The following COL4A4 variants were observed in gnomAD, a reference collection of about 807,000 sequenced individuals.
The protein encoded by COL4A4 is collagen alpha-4(IV) chain.
A neutral mutation model predicts 192.9 loss-of-function variants in COL4A4; 105 were observed. The observed-to-expected ratio is 0.54, with a 90% confidence interval of 0.46 to 0.64. The LOEUF is 0.64. COL4A4 is among the 30% of genes least tolerant of loss of function. COL4A4 has a pLI of 0.00. For missense variants in COL4A4, 1,967 were observed against 2,169.3 expected (o/e 0.91, Z 1.85); for synonymous variants, 762 against 769.9 (o/e 0.99, Z 0.17).
At chr2:227,002,276 T>G (rs1559383945), downstream of COL4A4, among the ~76,000 whole-genome samples, 1 of 151,276 alleles carries the variant, frequency 6.6e-6, no homozygotes, top group East Asian at 2.0e-4. Context: ...AATACCTAAC[T>G]AACTCCTGAC....
chr2:226,970,402 C>G, the COL4A4 span, among the ~76,000 whole-genome samples: 12 of 152,072 alleles, frequency 7.9e-5, no homozygotes, highest in South Asian at 2.1e-4. Flanking sequence ...TTTTTTCCCC[C>G]CTTTTTAACC....
At chr2:227,023,808 T>C (rs1271327366) in intron 43 of COL4A4, among the ~76,000 whole-genome samples, 1 of 151,740 alleles carries the variant, frequency 6.6e-6, no homozygotes. Context: ...GGTCAAGAGA[T>C]TGAGACCATC....
intron 1 of COL4A4, among the ~76,000 whole-genome samples, chr2:227,158,478 T>C (rs1271265311): frequency 6.6e-6 from 1 of 151,962 alleles, no homozygotes; most frequent in African/African-American, 2.4e-5. Flanking sequence ...AATTATAAAT[T>C]ATATTCCATC....
intron 38 of COL4A4, among the ~76,000 whole-genome samples, chr2:227,033,010 G>C (rs1290801616): frequency 6.6e-6 from 1 of 152,132 alleles, no homozygotes; most frequent in Admixed American, 6.5e-5. Context: ...GGCCATAAAA[G>C]GATGCTATTA....
At chr2:226,988,776 C>G in the COL4A4 span, 7 of 854,828 alleles carry the variant, frequency 8.2e-6, no homozygotes, top group African/African-American at 1.3e-4. Context: ...TAAGAAGTTA[C>G]AAACTGTTCT....
intron 24 of COL4A4, among the ~76,000 whole-genome samples, chr2:227,078,561 C>T (rs1310855560): frequency 3.9e-5 from 6 of 152,174 alleles, no homozygotes; most frequent in Non-Finnish European, 8.8e-5. Flanking sequence ...AATTTATATA[C>T]ATACATATAA....
At chr2:227,112,738 C>T (rs2061287701) in intron 8 of COL4A4, among the ~76,000 whole-genome samples, 1 of 152,230 alleles carries the variant, frequency 6.6e-6, no homozygotes, top group Non-Finnish European at 1.5e-5. Flanking sequence ...TCCCTCTTCC[C>T]TGCAGCCACT....
chr2:227,065,150 A>G (rs1228086117), intron 25 of COL4A4, among the ~76,000 whole-genome samples: 1 of 152,104 alleles, frequency 6.6e-6, no homozygotes, highest in Non-Finnish European at 1.5e-5. Flanking sequence ...AAATCGGGCC[A>G]CTCCCACCCG....
chr2:227,068,616 C>G (rs1444586413), intron 25 of COL4A4, among the ~76,000 whole-genome samples: 2 of 152,070 alleles, frequency 1.3e-5, no homozygotes, highest in African/African-American at 2.4e-5. Context: ...AAGACAAAAA[C>G]CACATGATTA....
At chr2:227,115,332 G>A (rs1240355004) in intron 7 of COL4A4, among the ~76,000 whole-genome samples, 10 of 146,138 alleles carry the variant, frequency 6.8e-5, no homozygotes, top group East Asian at 2.0e-4. Context: ...GTGCAGTGGC[G>A]CGATCTCTGC....
At chr2:227,029,099 T>C (rs1299641165) in intron 41 of COL4A4, among the ~76,000 whole-genome samples, 2 of 152,236 alleles carry the variant, frequency 1.3e-5, no homozygotes, top group East Asian at 3.9e-4. Context: ...AGTGAAGCAC[T>C]GTTTGGCCTT....
chr2:227,161,919 C>T (rs2064866786), intron 1 of COL4A4, among the ~76,000 whole-genome samples: 1 of 151,760 alleles, frequency 6.6e-6, no homozygotes, highest in South Asian at 2.1e-4. Flanking sequence ...ATCAGGGCCA[C>T]CTATTTTCCT....
At chr2:227,153,190 G>A (rs183055915) in intron 1 of COL4A4, among the ~76,000 whole-genome samples, 1 of 152,262 alleles carries the variant, frequency 6.6e-6, no homozygotes, top group Admixed American at 6.5e-5. Flanking sequence ...ATCTCCCACT[G>A]GGTCCCTCTC....
rs1189571241 is a variant in COL4A4, at chr2:227,005,263, A to G, written c.*2062T>C. 1 of 152,024 alleles carries G rather than the reference A, an allele frequency of 6.6e-6. No homozygotes were observed. Among genetic ancestry groups the G allele is most frequent in the Non-Finnish European group, 1.5e-5 (1 of 68,012 alleles). The allele number at this position is 152,024 out of a possible 1,614,324, so 9.4% of individuals were successfully genotyped here. ...GATAATATTCTAATACCAACATTAA[A>G]GTGTTTAAAATAATTAGCAAGCAAG... On this transcript the variant is annotated 3_prime_UTR_variant, in exon 48 of 48. Transcript: ENST00000396625.
At position 227,028,079 on chromosome 2, in the gene COL4A4, T is replaced by C. The variant is rs995275105; in HGVS notation, c.3974-70A>G. The stretch of plus-strand genomic sequence containing the variant: ...CAAGATAAAAACAATGACAGTTTGA[T>C]AGACTGAATTCAGAGATTCACTCCA... On this transcript the variant is annotated intron_variant, in intron 41 of 47. Transcript: ENST00000396625. The C allele has an allele frequency of 2.3e-5, 25 of 1,081,420 alleles. No individual in the cohort carries two copies. In the African/African-American group the frequency reaches 3.8e-4, roughly 16 times the overall value. 67.0% of individuals were successfully genotyped at this position (1,081,420 alleles called of 1,614,324 possible). A position where few individuals can be genotyped will look rare whatever the true frequency, so the allele number is the denominator to read the frequency against.
At chr2:227,147,351 T>C (rs1330145175) in intron 2 of COL4A4, 62 bp downstream of exon 2, 1 of 1,484,428 alleles carries the variant, frequency 6.7e-7, no homozygotes, top group Admixed American at 1.7e-5. Context: ...TTTACATCCA[T>C]AGAACAAACA....
Position 227,103,139 on chromosome 2 carries a change from A to C in COL4A4, c.870+5T>G. On this transcript the variant is annotated splice_donor_5th_base_variant and intron_variant, in intron 14 of 47. Transcript: ENST00000396625. The stretch of plus-strand genomic sequence containing the variant: ...GAAAAAAAAAAAGGTACTTAAATAA[A>C]CTACCTTGCGTCCTGGTGGTCCTGG... 1 of 1,606,624 alleles carries C rather than the reference A, an allele frequency of 6.2e-7. No individual in the cohort carries two copies. Among genetic ancestry groups the C allele is most frequent in the South Asian group, 1.1e-5 (1 of 87,952 alleles).
rs776983644 is a variant in COL4A4, at chr2:227,052,292, C to CT, written c.2968+12dup. ...AACTTATTTGATATGGTTAAAAACT[C>CT]TTAAGTGTTTACCTCTTTCTCCTGG... On this transcript the variant is annotated intron_variant, in intron 32 of 47. Transcript: ENST00000396625. 2.5e-5 allele frequency: 37 copies of CT among 1,456,702 alleles called. No homozygotes were observed. Among genetic ancestry groups the CT allele is most frequent in the Non-Finnish European group, 3.6e-5 (37 of 1,036,960 alleles). The allele number at this position is 1,456,702 out of a possible 1,614,324, so 90.2% of individuals were successfully genotyped here.
chr2:227,049,452 T>C (rs894110101), intron 34 of COL4A4, among the ~76,000 whole-genome samples: 2 of 152,230 alleles, frequency 1.3e-5, no homozygotes, highest in African/African-American at 4.8e-5. Context: ...AACAACACAG[T>C]TGAATAGTTG....
Sources: allele counts gnomAD v4.1 joint callset (sites outside exome capture counted in the v4.1 genomes callset), GRCh38; gene constraint gnomAD v4.1.1; transcripts MANE v1.5; gene names NCBI Gene and HGNC (gene_info 2026-07-23, HGNC 2026-07-21).